Variants in GRIA4 observed in about 807,000 individuals in gnomAD.
The protein encoded by GRIA4 is glutamate ionotropic receptor AMPA type subunit 4.
GRIA4 carries 34 observed loss-of-function variants against 104.0 expected under a neutral mutation model. That is an observed-to-expected ratio of 0.33 (90% CI 0.25 to 0.44). GRIA4 has a LOEUF of 0.44. Among genes scored for constraint, GRIA4 ranks in the 20% least tolerant of loss-of-function variants. The pLI is 1.00. For synonymous variants in GRIA4, 386 were observed against 381.9 expected (o/e 1.01, Z -0.13); for missense variants, 750 against 1,096.5 (o/e 0.68, Z 4.46).
At chr11:105,761,109 C>T (rs1342070668) in intron 4 of GRIA4, among the ~76,000 whole-genome samples, 1 of 152,104 alleles carries the variant, frequency 6.6e-6, no homozygotes, top group Non-Finnish European at 1.5e-5. Flanking sequence ...CAATTTCTTA[C>T]TCTAATTCCA....
intron 3 of GRIA4, among the ~76,000 whole-genome samples, chr11:105,650,020 C>T (rs1951641416): frequency 6.6e-6 from 1 of 151,958 alleles, no homozygotes; most frequent in Non-Finnish European, 1.5e-5. Context: ...AATCAGAACC[C>T]AAACCAACAT....
intron 5 of GRIA4, among the ~76,000 whole-genome samples, chr11:105,885,251 G>A (rs1041666234): frequency 6.6e-6 from 1 of 152,152 alleles, no homozygotes; most frequent in South Asian, 2.1e-4. Flanking sequence ...CTCCACCCAT[G>A]TTAAATCACT....
chr11:105,661,165 A>G (rs1188924274), intron 3 of GRIA4, among the ~76,000 whole-genome samples: 3 of 151,700 alleles, frequency 2.0e-5, no homozygotes, highest in Non-Finnish European at 3.0e-5. Flanking sequence ...TTATCAATAG[A>G]TACCTTAGAA....
chr11:105,715,651 C>G (rs1443527589), intron 3 of GRIA4, among the ~76,000 whole-genome samples: 6 of 152,130 alleles, frequency 3.9e-5, no homozygotes, highest in Non-Finnish European at 5.9e-5. Flanking sequence ...TAATTCTGTA[C>G]TAGTTAGAAT....
intron 3 of GRIA4, among the ~76,000 whole-genome samples, chr11:105,680,446 C>CA (rs1321348244): frequency 4.6e-5 from 7 of 151,710 alleles, no homozygotes; most frequent in African/African-American, 1.5e-4. Context: ...GCTGAATCTT[C>CA]AAAAAAAGGT....
chr11:105,674,467 G>A (rs1952472465), intron 3 of GRIA4, among the ~76,000 whole-genome samples: 2 of 151,694 alleles, frequency 1.3e-5, no homozygotes, highest in East Asian at 1.9e-4. Context: ...GAAGAAAAGC[G>A]ATGGAGCAGA....
intron 4 of GRIA4, among the ~76,000 whole-genome samples, chr11:105,844,310 A>G (rs1037954366): frequency 3.9e-5 from 6 of 152,228 alleles, no homozygotes; most frequent in African/African-American, 1.2e-4. Context: ...TATTCTGTGG[A>G]CAAATAGTCC....
intron 7 of GRIA4, among the ~76,000 whole-genome samples, chr11:105,900,642 A>G (rs979187887): frequency 4.6e-5 from 7 of 151,936 alleles, no homozygotes; most frequent in African/African-American, 1.5e-4. Flanking sequence ...GCTGGAGTGC[A>G]GTGTCGCGAT....
intron 3 of GRIA4, among the ~76,000 whole-genome samples, chr11:105,642,461 G>T (rs1412070580): frequency 2.1e-5 from 3 of 141,768 alleles, no homozygotes; most frequent in South Asian, 4.6e-4. Flanking sequence ...TTGCTCCTAA[G>T]TTGGGGCCTA....
At chr11:105,858,652 C>T (rs1322337226) in intron 4 of GRIA4, among the ~76,000 whole-genome samples, 1 of 152,064 alleles carries the variant, frequency 6.6e-6, no homozygotes, top group Admixed American at 6.6e-5. Flanking sequence ...CCCCATTTCC[C>T]TCCTCCCTCA....
intron 4 of GRIA4, among the ~76,000 whole-genome samples, chr11:105,813,093 CAAAAA>C (rs58984237): frequency 1.2e-5 from 1 of 80,452 alleles, no homozygotes; most frequent in Non-Finnish European, 2.2e-5. Flanking sequence ...GACTCCATCT[CAAAAA>C]AAAAAAAAAA....
intron 14 of GRIA4, among the ~76,000 whole-genome samples, chr11:105,934,461 A>G (rs1002718302): frequency 6.6e-6 from 1 of 152,084 alleles, no homozygotes; most frequent in Non-Finnish European, 1.5e-5. Context: ...TTGAGGTTGT[A>G]TTCATGCTAA....
intron 3 of GRIA4, among the ~76,000 whole-genome samples, chr11:105,744,202 T>C (rs1939505807): frequency 6.6e-6 from 1 of 152,174 alleles, no homozygotes; most frequent in Admixed American, 6.6e-5. Context: ...ACTGTGAAAC[T>C]CATCTTAGTG....
chr11:105,808,869 T>C (rs1389337260), intron 4 of GRIA4, among the ~76,000 whole-genome samples: 2 of 152,096 alleles, frequency 1.3e-5, no homozygotes, highest in African/African-American at 2.4e-5. Flanking sequence ...TGACGGCAAG[T>C]GTAGAATTTA....
chr11:105,962,951 C>T (rs964885769), intron 14 of GRIA4, among the ~76,000 whole-genome samples: 3 of 152,072 alleles, frequency 2.0e-5, no homozygotes, highest in African/African-American at 7.2e-5. Context: ...ATTACAGTGA[C>T]ACTGATATAC....
At chr11:105,861,980 G>C in intron 4 of GRIA4, 44 bp from the exon 5 acceptor site, 1 of 1,186,420 alleles carries the variant, frequency 8.4e-7, no homozygotes, top group Non-Finnish European at 1.2e-6. Flanking sequence ...ATCATTAAAG[G>C]GGAGTAAAAG....
chr11:105,686,186 G>A (rs1952876886), intron 3 of GRIA4, among the ~76,000 whole-genome samples: 3 of 152,146 alleles, frequency 2.0e-5, no homozygotes. Flanking sequence ...ACTGAGCACA[G>A]TACTCAACAG....
At chr11:105,651,517 A>G (rs1951686319) in intron 3 of GRIA4, among the ~76,000 whole-genome samples, 2 of 152,134 alleles carry the variant, frequency 1.3e-5, no homozygotes, top group African/African-American at 2.4e-5. Context: ...ATGCTCAGTA[A>G]TGTTGCAGAT....
At chr11:105,749,877 C>T (rs1055907642) in intron 3 of GRIA4, among the ~76,000 whole-genome samples, 4 of 152,274 alleles carry the variant, frequency 2.6e-5, no homozygotes, top group African/African-American at 9.6e-5. Context: ...GTGTTTATAA[C>T]TTAAAATATA....
Sources: gnomAD v4.1 joint callset for allele counts (sites outside exome capture counted in the v4.1 genomes callset) on GRCh38, gnomAD v4.1.1 for gene constraint, MANE v1.5 for transcripts, NCBI Gene and HGNC (gene_info 2026-07-23, HGNC 2026-07-21) for gene names.